PSME4: variants seen among roughly 807,000 people sequenced by gnomAD.
PSME4 encodes proteasome activator subunit 4.
In PSME4, 89 loss-of-function variants were observed where a neutral mutation model predicts 253.9. The ratio of observed to expected loss-of-function variants is 0.35; its 90% CI spans 0.30 to 0.42. The LOEUF (loss-of-function observed/expected upper bound fraction) is 0.42, where lower values mean the gene tolerates loss of function less well. Ranked by LOEUF, PSME4 falls within the 10% of genes least tolerant of loss-of-function variation. The pLI is 1.00. For missense variants in PSME4, 2,014 were observed against 2,195.2 expected (o/e 0.92, Z 1.65); for synonymous variants, 851 against 759.2 (o/e 1.12, Z -1.99).
intron 35 of PSME4, 109 bp downstream of exon 35, chr2:53,893,565 T>G (rs1316359351): frequency 2.2e-5 from 34 of 1,542,392 alleles, no homozygotes; most frequent in Non-Finnish European, 3.0e-5. Context: ...CCAGTGCCAT[T>G]TTAGATCAAG....
At chr2:53,937,654 G>T in intron 4 of PSME4, 114 bp from the exon 5 acceptor site, 1 of 948,136 alleles carries the variant, frequency 1.1e-6, no homozygotes, top group Non-Finnish European at 1.6e-6. Context: ...GTCATAGCAT[G>T]TAACACAGTC....
chr2:53,893,458 C>A (rs554880439), intron 35 of PSME4, among the ~76,000 whole-genome samples: 2 of 152,110 alleles, frequency 1.3e-5, no homozygotes, highest in Non-Finnish European at 2.9e-5. Context: ...ACAATGCTTA[C>A]TAATTGTATT....
chr2:53,873,750 G>T (rs1679001087), intron 43 of PSME4, among the ~76,000 whole-genome samples: 1 of 152,150 alleles, frequency 6.6e-6, no homozygotes, highest in South Asian at 2.1e-4. Context: ...ACATTCTCAT[G>T]AGTTCCTTAA....
chr2:53,967,392 T>A (rs1411455017), intron 1 of PSME4, among the ~76,000 whole-genome samples: 1 of 151,824 alleles, frequency 6.6e-6, no homozygotes, highest in Non-Finnish European at 1.5e-5. Flanking sequence ...TGGCTCAGCC[T>A]GTAATCCCGC....
intron 3 of PSME4, among the ~76,000 whole-genome samples, chr2:53,944,713 G>A (rs1038218676): frequency 3.9e-5 from 6 of 152,076 alleles, no homozygotes; most frequent in African/African-American, 7.2e-5. Flanking sequence ...ATGGCCACAT[G>A]TGCCAAGAAA....
rs71408747 is a variant in PSME4 at position 53,967,649 on chromosome 2, CAAAAAAAAAAAAAAA to C, written c.242+2879_242+2893del. On this transcript the variant is annotated intron_variant, in intron 1 of 46. Coordinates refer to ENST00000404125, the MANE Select transcript of PSME4 (RefSeq NM_014614.3). Reference sequence around the variant, plus strand: ...TCTGGGCAACAGAGTGAGATTGTCTCAAAAAAAAAAAAAAAAAAAAAAAAAAAAAAGTCAAAAAGA... The same window carrying C: ...TCTGGGCAACAGAGTGAGATTGTCTCAAAAAAAAAAAAAAAGTCAAAAAGA... Among the ~76,000 whole-genome samples, 134 of 21,566 alleles carry C rather than the reference CAAAAAAAAAAAAAAA, an allele frequency of 6.2e-3. 2 individuals carry two copies. Among genetic ancestry groups the C allele is most frequent in the African/African-American group, 0.023 (125 of 5,332 alleles). The allele number at this position is 21,566 out of a possible 152,430, so 14.1% of individuals were successfully genotyped here.
intron 20 of PSME4, among the ~76,000 whole-genome samples, chr2:53,911,200 C>G (rs1558675559): frequency 2.0e-5 from 3 of 152,270 alleles, no homozygotes; most frequent in Non-Finnish European, 1.5e-5. Flanking sequence ...TAACCCAGTA[C>G]AGAGGATAGC....
intron 1 of PSME4, among the ~76,000 whole-genome samples, chr2:53,964,653 G>A (rs1573388130): frequency 6.6e-6 from 1 of 152,132 alleles, no homozygotes; most frequent in East Asian, 1.9e-4. Flanking sequence ...ATACTCTTAG[G>A]TGCCTCATAC....
chr2:53,906,534 G>T (rs1312133311), intron 26 of PSME4, 64 bp downstream of exon 26: 10 of 1,433,780 alleles, frequency 7.0e-6, no homozygotes, highest in Non-Finnish European at 8.3e-6. Flanking sequence ...TTAAAAGGGG[G>T]ATATTAAGAT....
chr2:53,946,830 C>T (rs1360615572), intron 3 of PSME4, among the ~76,000 whole-genome samples: 1 of 152,062 alleles, frequency 6.6e-6, no homozygotes, highest in Non-Finnish European at 1.5e-5. Flanking sequence ...GGGAAGACTG[C>T]TTGAGCCCAG....
chr2:53,896,862 A>T lies in PSME4; in HGVS notation c.3630T>A (p.Gly1210=). 6.2e-7 allele frequency: 1 copy of T among 1,612,440 alleles called. No individual in the cohort carries two copies. The highest frequency in any genetic ancestry group is 8.5e-7 in the Non-Finnish European group (1 of 1,178,526). The change falls in exon 32 of 47, where the codon GGT becomes GGA. Residue 1210 remains glycine, a synonymous_variant. Transcript: ENST00000404125. ...GGGTTCTTTTTAGCTGTTTAAGGAT[A>T]CCAGCAACAGCTGAGATAGCCATCT... ...VRKMAISAVA[G]ILKQLKRTHK... is the part of the protein sequence containing the mutation.
At chr2:53,946,682 G>A (rs1234425083) in intron 3 of PSME4, among the ~76,000 whole-genome samples, 1 of 152,120 alleles carries the variant, frequency 6.6e-6, no homozygotes, top group East Asian at 1.9e-4. Context: ...GATCACTTGA[G>A]CCCAGGAGTT....
intron 17 of PSME4, among the ~76,000 whole-genome samples, chr2:53,922,210 T>C (rs1417503473): frequency 6.6e-6 from 1 of 151,984 alleles, no homozygotes; most frequent in Non-Finnish European, 1.5e-5. Flanking sequence ...AACTGAAGTT[T>C]GATTGATGGC....
At chr2:53,940,592 C>A (rs1173076377) in intron 3 of PSME4, among the ~76,000 whole-genome samples, 1 of 151,632 alleles carries the variant, frequency 6.6e-6, no homozygotes, top group African/African-American at 2.4e-5. Context: ...ATACAGGAGA[C>A]CAACATAAAA....
rs1195021771 is a variant in PSME4 at position 53,970,742 on chromosome 2, G to A, written c.43C>T (p.Pro15Ser). 1 of 1,545,468 alleles carries A rather than the reference G, an allele frequency of 6.5e-7. No homozygotes were observed. The highest frequency in any genetic ancestry group is 2.0e-5 in the Admixed American group (1 of 50,724). The change falls in exon 1 of 47, where the codon CCG becomes TCG. Residue 15 changes from proline (P) to serine (S), a missense_variant. By Grantham distance (74) the Pro-to-Ser change is moderately conservative. Coordinates refer to ENST00000404125, the MANE Select transcript of PSME4 (RefSeq NM_014614.3). Reference sequence around the variant, plus strand: ...GGGCCCGGCTCGGGACGCCCGCCCGGCTCCGGGGGCTCTCCGACTCCCGCC... The same window carrying A: ...GGGCCCGGCTCGGGACGCCCGCCCGACTCCGGGGGCTCTCCGACTCCCGCC... Reference protein sequence around the residue: ...ERAGVGEPPEPGGRPEPGPRG... With the variant: ...ERAGVGEPPESGGRPEPGPRG...
intron 29 of PSME4, among the ~76,000 whole-genome samples, chr2:53,898,911 A>G (rs1390409020): frequency 1.3e-5 from 2 of 152,194 alleles, no homozygotes; most frequent in Non-Finnish European, 2.9e-5. Context: ...TATTACTATT[A>G]TAAGAACTAT....
At chr2:53,924,842 A>G (rs1558689168) in intron 14 of PSME4, among the ~76,000 whole-genome samples, 1 of 152,226 alleles carries the variant, frequency 6.6e-6, no homozygotes, top group Non-Finnish European at 1.5e-5. Context: ...ACTAGCAAAT[A>G]CTGAACCATT....
intron 7 of PSME4, among the ~76,000 whole-genome samples, 158 bp from the exon 8 acceptor site, chr2:53,934,885 C>T (rs805358): frequency 0.49 from 74,679 of 152,012 alleles, 18,696 homozygotes; most frequent in East Asian, 0.72. Flanking sequence ...CTTTATTCTT[C>T]AAAAATTACA....
At position 53,885,792 on chromosome 2, in the gene PSME4, G is replaced by C; in HGVS notation, c.4730-17C>G. 1 of 1,577,156 alleles carries C rather than the reference G, an allele frequency of 6.3e-7. No individual in the cohort carries two copies. ...ATTTCAATACTATTTTGAAAACAAA[G>C]ATGCAGAGTAAGTCTTTGCCATTCA... is the stretch of plus-strand genomic sequence containing the variant. On this transcript the variant is annotated splice_polypyrimidine_tract_variant and intron_variant, in intron 40 of 46. Coordinates refer to ENST00000404125, the MANE Select transcript of PSME4 (RefSeq NM_014614.3).
Sources: allele counts gnomAD v4.1 joint callset (sites outside exome capture counted in the v4.1 genomes callset), GRCh38; gene constraint gnomAD v4.1.1; transcripts MANE v1.5; gene names NCBI Gene and HGNC (gene_info 2026-07-23, HGNC 2026-07-21).